TGFBR2: variants seen among roughly 807,000 people sequenced by gnomAD.
The protein encoded by TGFBR2 is transforming growth factor beta receptor 2, also known as TGF-beta receptor type-2.
In TGFBR2, 18 loss-of-function variants were observed where a neutral mutation model predicts 49.0. The observed-to-expected ratio is 0.37, with a 90% confidence interval of 0.25 to 0.54. The LOEUF (loss-of-function observed/expected upper bound fraction) is 0.54, where lower values mean the gene tolerates loss of function less well. Among genes scored for constraint, TGFBR2 ranks in the 20% least tolerant of loss-of-function variants. TGFBR2 has a pLI of 0.85. For missense variants in TGFBR2, 525 were observed against 722.6 expected, an observed-to-expected ratio of 0.73 and a Z score of 3.13; for synonymous variants, 282 against 275.9, an observed-to-expected ratio of 1.02 and a Z score of -0.22.
In TGFBR2 at chr3:30,672,136, G is replaced by C. The variant is rs754785934; in HGVS notation, c.953G>C (p.Gly318Ala). 3 of 1,614,068 alleles carry C rather than the reference G, an allele frequency of 1.9e-6. No homozygotes were observed. The highest frequency in any genetic ancestry group is 1.3e-5 in the African/African-American group (1 of 74,928). The change falls in exon 4 of 7, where the codon GGG becomes GCG. Residue 318 changes from glycine (G) to alanine (A), a missense_variant. Around this residue, in one of 3 missense-constraint regions of TGFBR2, gnomAD observed 376 missense variants for 478.2 expected, o/e 0.79. Coordinates refer to ENST00000295754, the MANE Select transcript of TGFBR2 (RefSeq NM_003242.6). This position sits in a 1 kb window ranked among gnomAD's most constrained non-coding sequence, Gnocchi z 4.5. ...LTAEERKTEL[G>A]KQYWLITAFH... ...GCTGAGGAGCGGAAGACGGAGTTGG[G>C]GAAACAATACTGGCTGATCACCGCC...
intron 1 of TGFBR2, among the ~76,000 whole-genome samples, chr3:30,607,880 G>A (rs2125440392): frequency 6.9e-6 from 1 of 144,346 alleles, no homozygotes; most frequent in Non-Finnish European, 1.5e-5. Flanking sequence ...ATATATGCAT[G>A]CAGGAATGGG....
rs1273600492 is a variant in TGFBR2, at chr3:30,672,932, T to G, written c.1254+495T>G. On this transcript the variant is annotated intron_variant, in intron 4 of 6. Coordinates refer to ENST00000295754, the MANE Select transcript of TGFBR2 (RefSeq NM_003242.6). The surrounding 1 kb of genome is among the most constrained non-coding windows in gnomAD (Gnocchi z 4.5). ...CCTTGAACATTGAAAGTAAAATAAG[T>G]ACTTGTCGACTGAGTGAGCACTTCC... Among the ~76,000 whole-genome samples the G allele has an allele frequency of 1.3e-5, 2 of 152,214 alleles. No individual in the cohort carries two copies. Among genetic ancestry groups the G allele is most frequent in the African/African-American group, 4.8e-5 (2 of 41,458 alleles).
rs369355021 is a variant in TGFBR2, at chr3:30,631,878, C to T, written c.95-12869C>T. ...AAGCCCCCTCATGGTCGATTCAGAG[C>T]CTTCTCCACTGCAACCTGCTGCCAT... On this transcript the variant is annotated intron_variant, in intron 1 of 6. Coordinates refer to ENST00000295754, the MANE Select transcript of TGFBR2 (RefSeq NM_003242.6). 4.4e-4 allele frequency among the ~76,000 whole-genome samples: 67 copies of T among 152,158 alleles called. 1 individual carries two copies. The South Asian group carries it at 0.012, about 28-fold the overall frequency.
chr3:30,688,623 T>A (rs977170354), intron 6 of TGFBR2, 112 bp downstream of exon 6: 2 of 1,447,994 alleles, frequency 1.4e-6, no homozygotes. Flanking sequence ...CATTGTGTTC[T>A]ATGGCCCTGT....
chr3:30,630,636 C>T (rs1293504584), intron 1 of TGFBR2, among the ~76,000 whole-genome samples: 1 of 152,206 alleles, frequency 6.6e-6, no homozygotes, highest in Admixed American at 6.5e-5. Context: ...TGGCTGATGT[C>T]TCCCCTCCAA....
At chr3:30,688,640 T>G in intron 6 of TGFBR2, 129 bp downstream of exon 6, 1 of 1,372,854 alleles carries the variant, frequency 7.3e-7, no homozygotes, top group South Asian at 1.2e-5. Context: ...CTGTTAAATT[T>G]TGTTTATAAA....
chr3:30,632,937 G>A (rs1332667876), intron 1 of TGFBR2, among the ~76,000 whole-genome samples: 2 of 152,186 alleles, frequency 1.3e-5, no homozygotes, highest in Non-Finnish European at 2.9e-5. Flanking sequence ...TAAAATAAGT[G>A]AAGTAATTAC....
At chr3:30,671,319 A>G (rs1331917240) in intron 3 of TGFBR2, among the ~76,000 whole-genome samples, 1 of 152,182 alleles carries the variant, frequency 6.6e-6, no homozygotes, top group Non-Finnish European at 1.5e-5. Context: ...GTTGTACTGA[A>G]TTGTTACCTA....
intron 3 of TGFBR2, among the ~76,000 whole-genome samples, chr3:30,663,448 C>G (rs917578229): frequency 6.6e-6 from 1 of 152,044 alleles, no homozygotes; most frequent in Non-Finnish European, 1.5e-5. Context: ...GTAGATTTGT[C>G]TGATGATTTG....
intron 5 of TGFBR2, among the ~76,000 whole-genome samples, chr3:30,679,943 T>C (rs1699510210): frequency 6.6e-6 from 1 of 152,186 alleles, no homozygotes; most frequent in Non-Finnish European, 1.5e-5. Context: ...CTGGCCAAGA[T>C]GGTGAAATGC....
chr3:30,654,194 A>G (rs559911293), intron 3 of TGFBR2, among the ~76,000 whole-genome samples: 4 of 152,318 alleles, frequency 2.6e-5, no homozygotes, highest in Non-Finnish European at 5.9e-5. Flanking sequence ...GAGATTTAAC[A>G]TTTGTTCCTT....
intron 3 of TGFBR2, among the ~76,000 whole-genome samples, chr3:30,668,215 T>C (rs1270865248): frequency 6.6e-6 from 1 of 152,164 alleles, no homozygotes; most frequent in Non-Finnish European, 1.5e-5. Context: ...TTGAATACCA[T>C]AAATTGCCCC....
rs759215875 is a variant in TGFBR2, at chr3:30,672,174, G to A, written c.991G>A (p.Gly331Ser). ...YWLITAFHAK[G>S]NLQEYLTRHV... ...GCTGATCACCGCCTTCCACGCCAAGGGCAACCTACAGGAGTACCTGACGCG... is the reference window on the plus strand; with the variant it reads ...GCTGATCACCGCCTTCCACGCCAAGAGCAACCTACAGGAGTACCTGACGCG... The change falls in exon 4 of 7, where the codon GGC (glycine) becomes AGC (serine). Residue 331 changes from glycine (G) to serine (S), a missense_variant. Around this residue, in one of 3 missense-constraint regions of TGFBR2, gnomAD observed 376 missense variants for 478.2 expected, o/e 0.79. Transcript: ENST00000295754. This position sits in a 1 kb window ranked among gnomAD's most constrained non-coding sequence, Gnocchi z 4.5. 6.2e-7 allele frequency: 1 copy of A among 1,614,120 alleles called. No individual in the cohort carries two copies. The highest frequency in any genetic ancestry group is 1.3e-5 in the African/African-American group (1 of 75,050).
chr3:30,629,998 C>A (rs1323880808), intron 1 of TGFBR2, among the ~76,000 whole-genome samples: 1 of 152,110 alleles, frequency 6.6e-6, no homozygotes, highest in Non-Finnish European at 1.5e-5. Context: ...CATTTCCTCC[C>A]CTCCTCCCCC....
chr3:30,609,565 C>T (rs570903543), intron 1 of TGFBR2, among the ~76,000 whole-genome samples: 5 of 152,234 alleles, frequency 3.3e-5, no homozygotes, highest in African/African-American at 1.2e-4. Context: ...AATAGATTCA[C>T]TCTTCCTAAA....
At chr3:30,678,135 G>C (rs1419379465) in intron 5 of TGFBR2, among the ~76,000 whole-genome samples, 2 of 152,174 alleles carry the variant, frequency 1.3e-5, no homozygotes, top group Admixed American at 6.5e-5. Flanking sequence ...CATCTTCTCT[G>C]TAGGCTCTGA....
At chr3:30,682,708 T>G (rs547009193) in intron 5 of TGFBR2, among the ~76,000 whole-genome samples, 1 of 152,298 alleles carries the variant, frequency 6.6e-6, no homozygotes, top group African/African-American at 2.4e-5. Flanking sequence ...GACAAGTGTT[T>G]GGGTTTAATG....
rs535925689 is a variant in TGFBR2, at chr3:30,649,408, A to G, written c.264-862A>G. Among the ~76,000 whole-genome samples, 5 of 152,278 alleles carry G rather than the reference A, an allele frequency of 3.3e-5. No homozygotes were observed. The East Asian group carries it at 9.6e-4, about 29-fold the overall frequency. ...CATGTTGTTTAAAAATCTAATGTAC[A>G]CTGACGGCCAATTGAGCATTTCCTA... On this transcript the variant is annotated intron_variant, in intron 2 of 6. Coordinates refer to ENST00000295754, the MANE Select transcript of TGFBR2 (RefSeq NM_003242.6).
chr3:30,651,933 G>A (rs146548567), intron 3 of TGFBR2, among the ~76,000 whole-genome samples: 1 of 152,242 alleles, frequency 6.6e-6, no homozygotes, highest in Non-Finnish European at 1.5e-5. Context: ...AAATACAAAT[G>A]CTGGCTCTAC....
Sources: gnomAD v4.1 joint callset for allele counts (sites outside exome capture counted in the v4.1 genomes callset) on GRCh38, gnomAD v4.1.1 for gene constraint, gnomAD v4.1.1 regional missense constraint, Gnocchi (gnomAD v3.1) non-coding constraint, MANE v1.5 for transcripts, NCBI Gene and HGNC (gene_info 2026-07-23, HGNC 2026-07-21) for gene names.